Variants in ASIC2 observed in about 807,000 individuals in gnomAD.
The protein encoded by ASIC2 is acid-sensing ion channel 2.
In ASIC2, 25 loss-of-function variants were observed where a neutral mutation model predicts 57.3. That is an observed-to-expected ratio of 0.44 (90% CI 0.32 to 0.61). The LOEUF (loss-of-function observed/expected upper bound fraction) is 0.61, where lower values mean the gene tolerates loss of function less well. ASIC2 is among the 20% of genes least tolerant of loss of function. The probability of loss-of-function intolerance (pLI) is 0.06; values close to 1 mark genes in which losing one functional copy is unlikely to be tolerated. For synonymous variants in ASIC2, 319 were observed against 307.5 expected (o/e 1.04, Z -0.39); for missense variants, 641 against 738.1 (o/e 0.87, Z 1.52).
At chr17:33,691,602 A>G (rs1489332734) in intron 1 of ASIC2, among the ~76,000 whole-genome samples, 1 of 152,166 alleles carries the variant, frequency 6.6e-6, no homozygotes, top group Non-Finnish European at 1.5e-5. Flanking sequence ...CTACTTATAC[A>G]TTAAAGTGAT....
At chr17:33,426,909 C>A (rs926852281) in intron 1 of ASIC2, among the ~76,000 whole-genome samples, 5 of 152,202 alleles carry the variant, frequency 3.3e-5, no homozygotes, top group African/African-American at 1.2e-4. Flanking sequence ...TAAGGGAAGA[C>A]CTCTTTGAGG....
chr17:33,779,239 T>C lies in ASIC2; in HGVS notation c.555+376739A>G, dbSNP rs191615211. On this transcript the variant is annotated intron_variant, in intron 1 of 9. Transcript: ENST00000359872. The stretch of plus-strand genomic sequence containing the variant: ...CCTCTTAGAATTCTGTTAAGTTCTG[T>C]TGTTCCTTAAAAAAAAGATTAACTC... Among the ~76,000 whole-genome samples the C allele has an allele frequency of 9.5e-4, 145 of 152,248 alleles. No homozygotes were observed. The Middle Eastern group carries it at 0.014, about 14-fold the overall frequency.
chr17:33,775,899 G>C (rs567750131), intron 1 of ASIC2, among the ~76,000 whole-genome samples: 4 of 152,098 alleles, frequency 2.6e-5, no homozygotes, highest in African/African-American at 9.7e-5. Context: ...TTGGGAGGCC[G>C]AGGAGGGTGG....
chr17:33,350,681 GA>G (rs907009436), intron 1 of ASIC2, among the ~76,000 whole-genome samples: 1 of 87,746 alleles, frequency 1.1e-5, no homozygotes, highest in East Asian at 2.7e-4. Flanking sequence ...GACTCTGTGA[GA>G]AAAAAAAAGA....
chr17:34,111,084 G>A (rs888840636), intron 1 of ASIC2, among the ~76,000 whole-genome samples: 2 of 151,818 alleles, frequency 1.3e-5, no homozygotes, highest in African/African-American at 4.8e-5. Flanking sequence ...AAGTTAGCTG[G>A]GCATGGCGGC....
intron 1 of ASIC2, among the ~76,000 whole-genome samples, chr17:33,224,043 T>A (rs184387640): frequency 5.0e-4 from 76 of 152,300 alleles, no homozygotes; most frequent in African/African-American, 1.8e-3. Flanking sequence ...ATAGACCAGC[T>A]TCTGGGAAAG....
intron 1 of ASIC2, among the ~76,000 whole-genome samples, chr17:34,111,666 T>C (rs1911279604): frequency 6.6e-6 from 1 of 152,202 alleles, no homozygotes; most frequent in African/African-American, 2.4e-5. Flanking sequence ...ACCATTATTA[T>C]AAGGGAGAAT....
chr17:33,861,200 G>C (rs184933358), intron 1 of ASIC2, among the ~76,000 whole-genome samples: 38 of 152,272 alleles, frequency 2.5e-4, no homozygotes, highest in Non-Finnish European at 1.5e-5. Flanking sequence ...AATAATAAAG[G>C]AGCATATGCT....
intron 1 of ASIC2, among the ~76,000 whole-genome samples, chr17:33,799,443 T>TTCC (rs1555562532): frequency 5.1e-5 from 4 of 78,530 alleles, no homozygotes; most frequent in African/African-American, 1.6e-4. Context: ...TCTTTCTTTC[T>TTCC]TTCTTTCTTT....
At chr17:33,799,415 CTTTCTTTCTTTCTTCTTTCTTTCTTTCT>C (rs1912037779) in intron 1 of ASIC2, among the ~76,000 whole-genome samples, 11 of 64,738 alleles carry the variant, frequency 1.7e-4, no homozygotes, top group Non-Finnish European at 2.9e-4. Flanking sequence ...TTCTTTCTTT[CTTTCTTTCTTTCTTCTTTCTTTCTTTCT>C]TTCTTTCTTT....
chr17:33,420,441 C>T (rs998007844), intron 1 of ASIC2, among the ~76,000 whole-genome samples: 1 of 152,164 alleles, frequency 6.6e-6, no homozygotes, highest in African/African-American at 2.4e-5. Context: ...GAACGGGGCA[C>T]AGAATTCCAG....
At chr17:33,229,545 G>A (rs1908013425) in intron 1 of ASIC2, among the ~76,000 whole-genome samples, 1 of 152,202 alleles carries the variant, frequency 6.6e-6, no homozygotes, top group Non-Finnish European at 1.5e-5. Context: ...GCTGGACCTT[G>A]AAAGGCAGAT....
intron 1 of ASIC2, among the ~76,000 whole-genome samples, chr17:34,154,211 G>A (rs901343289): frequency 1.3e-5 from 2 of 152,196 alleles, no homozygotes; most frequent in Admixed American, 6.5e-5. Context: ...GAAGCCGAGC[G>A]TTGCCAGGCG....
intron 1 of ASIC2, among the ~76,000 whole-genome samples, chr17:34,115,946 T>C (rs1163218378): frequency 4.6e-5 from 7 of 152,172 alleles, no homozygotes; most frequent in African/African-American, 1.4e-4. Context: ...ATCCACTCTA[T>C]ATGGGTTTTG....
chr17:33,559,843 AT>A (rs34894821), intron 1 of ASIC2, among the ~76,000 whole-genome samples: 34,391 of 152,094 alleles, frequency 0.23, 4,617 homozygotes, highest in Non-Finnish European at 0.31. Context: ...TGATATAACT[AT>A]TTTTGAGTAA....
intron 1 of ASIC2, among the ~76,000 whole-genome samples, chr17:33,506,591 G>A (rs1238330712): frequency 6.6e-6 from 1 of 152,124 alleles, no homozygotes; most frequent in East Asian, 1.9e-4. Context: ...TGTGTGTACC[G>A]TGTACATGCA....
intron 1 of ASIC2, among the ~76,000 whole-genome samples, chr17:33,262,094 C>T (rs1567802500): frequency 6.6e-6 from 1 of 152,200 alleles, no homozygotes; most frequent in Admixed American, 6.5e-5. Context: ...ACAGTCTGTG[C>T]TCGGCGCCAT....
chr17:33,400,661 A>T (rs866277541), intron 1 of ASIC2, among the ~76,000 whole-genome samples: 1 of 152,170 alleles, frequency 6.6e-6, no homozygotes, highest in Admixed American at 6.5e-5. Flanking sequence ...ATCAGGACTT[A>T]AAAAAAGATC....
chr17:33,296,814 A>G (rs1209880218), upstream of ASIC2, among the ~76,000 whole-genome samples: 2 of 152,186 alleles, frequency 1.3e-5, no homozygotes, highest in African/African-American at 4.8e-5. Flanking sequence ...ATCAGGTTTC[A>G]CTGGATCCCT....
Sources: gnomAD v4.1 joint callset for allele counts (sites outside exome capture counted in the v4.1 genomes callset) on GRCh38, gnomAD v4.1.1 for gene constraint, MANE v1.5 for transcripts, NCBI Gene and HGNC (gene_info 2026-07-23, HGNC 2026-07-21) for gene names.